Variants in CDK6 observed in about 807,000 individuals in gnomAD.
CDK6 encodes cyclin-dependent kinase 6.
A neutral mutation model predicts 37.1 loss-of-function variants in CDK6; 6 were observed. That is an observed-to-expected ratio of 0.16 (90% CI 0.09 to 0.32). The LOEUF is 0.32. Among genes scored for constraint, CDK6 ranks in the 10% least tolerant of loss-of-function variants. The pLI is 1.00. For missense variants in CDK6, 224 were observed against 418.9 expected (o/e 0.53, Z 4.06); for synonymous variants, 160 against 161.3 (o/e 0.99, Z 0.06).
intron 3 of CDK6, among the ~76,000 whole-genome samples, chr7:92,752,797 T>G (rs1180201613): frequency 2.0e-5 from 3 of 152,174 alleles, no homozygotes; most frequent in Non-Finnish European, 4.4e-5. Flanking sequence ...CAATGTTTTT[T>G]TTGTCTAATT....
chr7:92,693,063 G>T (rs1797632076), intron 4 of CDK6, among the ~76,000 whole-genome samples: 1 of 151,962 alleles, frequency 6.6e-6, no homozygotes, highest in Admixed American at 6.6e-5. Context: ...ACCATATTTG[G>T]TTCACCTACC....
chr7:92,630,610 G>C (rs1796029228), intron 5 of CDK6, among the ~76,000 whole-genome samples: 1 of 152,094 alleles, frequency 6.6e-6, no homozygotes, highest in Non-Finnish European at 1.5e-5. Context: ...GCAAGTCAAG[G>C]ATATGGTACC....
At chr7:92,773,114 G>T (rs1276162088) in intron 3 of CDK6, among the ~76,000 whole-genome samples, 1 of 152,078 alleles carries the variant, frequency 6.6e-6, no homozygotes, top group African/African-American at 2.4e-5. Flanking sequence ...TATTTACTTT[G>T]TACCTATGTG....
chr7:92,627,065 C>T (rs549465546), intron 5 of CDK6, among the ~76,000 whole-genome samples: 3 of 152,076 alleles, frequency 2.0e-5, no homozygotes, highest in African/African-American at 4.8e-5. Context: ...ACAATCCTAA[C>T]GTCCATCAAC....
intron 4 of CDK6, among the ~76,000 whole-genome samples, chr7:92,703,305 A>T (rs1797898118): frequency 6.6e-6 from 1 of 152,166 alleles, no homozygotes; most frequent in Non-Finnish European, 1.5e-5. Flanking sequence ...ATGGGAGCTG[A>T]AAGTGAGGAG....
chr7:92,786,913 G>A (rs935935438), intron 2 of CDK6, among the ~76,000 whole-genome samples: 1 of 152,040 alleles, frequency 6.6e-6, no homozygotes, highest in Non-Finnish European at 1.5e-5. Flanking sequence ...GCTGGGTGCA[G>A]TGGCTCACCC....
At chr7:92,628,940 A>T (rs2237570) in intron 5 of CDK6, among the ~76,000 whole-genome samples, 13,211 of 152,150 alleles carry the variant, frequency 0.087, 755 homozygotes, top group Admixed American at 0.18. Flanking sequence ...TCTCCCTGGA[A>T]GACAAAGAAA....
chr7:92,712,878 G>GTATT (rs1554405514), intron 4 of CDK6, among the ~76,000 whole-genome samples: 3,310 of 127,742 alleles, frequency 0.026, 59 homozygotes, highest in African/African-American at 0.055. Context: ...ATGTATGTAT[G>GTATT]TATTTATTTA....
intron 4 of CDK6, among the ~76,000 whole-genome samples, chr7:92,692,030 G>A (rs1400008983): frequency 1.3e-5 from 2 of 152,186 alleles, no homozygotes; most frequent in African/African-American, 4.8e-5. Flanking sequence ...CACTTTGGGA[G>A]GCCGAGGTGG....
intron 2 of CDK6, among the ~76,000 whole-genome samples, chr7:92,814,266 T>C (rs1006038504): frequency 1.3e-5 from 2 of 152,154 alleles, no homozygotes; most frequent in Admixed American, 6.5e-5. Context: ...GAAACAATGT[T>C]CTTTCTTCAA....
chr7:92,608,212 C>T lies in CDK6; in HGVS notation c.*6928G>A, dbSNP rs1468733190. The T allele has an allele frequency of 1.3e-5, 3 of 232,204 alleles. No individual in the cohort carries two copies. Among genetic ancestry groups the T allele is most frequent in the Non-Finnish European group, 2.6e-5 (3 of 117,552 alleles). 14.4% of individuals were successfully genotyped at this position (232,204 alleles called of 1,614,324 possible). On this transcript the variant is annotated 3_prime_UTR_variant, in exon 8 of 8. Transcript: ENST00000424848. ...CAGTCAATATGTAGTTATATGCCCCCTTTGAGAAAAACCTACATTTGACAA... is the reference window on the plus strand; with the variant it reads ...CAGTCAATATGTAGTTATATGCCCCTTTTGAGAAAAACCTACATTTGACAA...
chr7:92,735,578 T>C (rs1284892317), intron 3 of CDK6, among the ~76,000 whole-genome samples: 1 of 152,212 alleles, frequency 6.6e-6, no homozygotes, highest in East Asian at 1.9e-4. Context: ...TGATTTGTTT[T>C]TTAAACTGCC....
intron 5 of CDK6, among the ~76,000 whole-genome samples, chr7:92,643,498 A>G (rs1039265801): frequency 2.0e-5 from 3 of 152,352 alleles, no homozygotes; most frequent in East Asian, 1.9e-4. Context: ...AAATCATTAA[A>G]TAAGTGGTAA....
intron 6 of CDK6, among the ~76,000 whole-genome samples, chr7:92,621,025 T>C (rs1356413416): frequency 6.6e-6 from 1 of 152,238 alleles, no homozygotes; most frequent in Non-Finnish European, 1.5e-5. Flanking sequence ...GATAGGTCCA[T>C]TAAAAATGCT....
intron 3 of CDK6, among the ~76,000 whole-genome samples, chr7:92,753,209 T>G (rs551856801): frequency 1.6e-4 from 24 of 152,074 alleles, no homozygotes; most frequent in Non-Finnish European, 3.2e-4. Context: ...TAGAATTCAA[T>G]TACTGATGAT....
At chr7:92,638,803 A>T (rs552586367) in intron 5 of CDK6, among the ~76,000 whole-genome samples, 1 of 152,350 alleles carries the variant, frequency 6.6e-6, no homozygotes, top group East Asian at 1.9e-4. Flanking sequence ...ATTGGATGCC[A>T]ATGATATGCT....
intron 3 of CDK6, among the ~76,000 whole-genome samples, chr7:92,731,253 C>T (rs1185761297): frequency 6.6e-6 from 1 of 152,234 alleles, no homozygotes; most frequent in Non-Finnish European, 1.5e-5. Flanking sequence ...CTACTTCTCA[C>T]TGTGGTCCTC....
intron 5 of CDK6, among the ~76,000 whole-genome samples, chr7:92,644,859 A>G (rs565191241): frequency 6.0e-4 from 91 of 152,288 alleles, no homozygotes; most frequent in African/African-American, 2.1e-3. Flanking sequence ...TCACCACCCC[A>G]GGCTGCCAAT....
At chr7:92,814,655 T>A (rs545810630) in intron 2 of CDK6, among the ~76,000 whole-genome samples, 65 of 151,512 alleles carry the variant, frequency 4.3e-4, no homozygotes, top group African/African-American at 1.6e-3. Flanking sequence ...ATCACAAATA[T>A]TTGCCTCCAT....
Sources: gnomAD v4.1 joint callset for allele counts (sites outside exome capture counted in the v4.1 genomes callset) on GRCh38, gnomAD v4.1.1 for gene constraint, MANE v1.5 for transcripts, NCBI Gene and HGNC (gene_info 2026-07-23, HGNC 2026-07-21) for gene names.